Variants in CHKB observed in about 807,000 individuals in gnomAD.
CHKB encodes choline kinase beta, also known as choline/ethanolamine kinase.
CHKB carries 45 observed loss-of-function variants against 57.3 expected under a neutral mutation model. The ratio of observed to expected loss-of-function variants is 0.79; its 90% CI spans 0.62 to 1.01. CHKB has a LOEUF of 1.01. Among genes scored for constraint, CHKB ranks in the 50% least tolerant of loss-of-function variants. The probability of loss-of-function intolerance (pLI) is 0.00; values close to 1 mark genes in which losing one functional copy is unlikely to be tolerated. For missense variants in CHKB, 517 were observed against 502.8 expected (o/e 1.03, Z -0.27); for synonymous variants, 224 against 201.8 (o/e 1.11, Z -0.93).
chr22:50,579,729 A>G lies in CHKB; in HGVS notation c.1029T>C (p.Ser343=). The change falls in exon 9 of 11, where the codon AGT becomes AGC. Residue 343 remains serine (S), a splice_region_variant and synonymous_variant. Coordinates refer to ENST00000406938, the MANE Select transcript of CHKB (RefSeq NM_005198.5). The part of the protein sequence containing the change: ...KLEEDLLVEV[S]RYALASHFFW... ...CCACCCTGCCCCTCCTTCCTCACCG[A>G]CTGACTTCTACCAGCAAATCTTCTT... 2 of 1,612,634 alleles carry G rather than the reference A, an allele frequency of 1.2e-6. No individual in the cohort carries two copies. The highest frequency in any genetic ancestry group is 1.3e-5 in the African/African-American group (1 of 74,770).
chr22:50,582,539 C>G lies in CHKB; in HGVS notation c.224+19G>C. On this transcript the variant is annotated intron_variant, in intron 1 of 10. Coordinates refer to ENST00000406938, the MANE Select transcript of CHKB (RefSeq NM_005198.5). ...GACCCCGATCCGCGCACCGGAGAGG[C>G]TGACCCCTGACCTCCCACCTCACGG... 1.3e-6 allele frequency: 2 copies of G among 1,598,596 alleles called. No individual in the cohort carries two copies. The highest frequency in any genetic ancestry group is 1.1e-5 in the South Asian group (1 of 89,374).
In CHKB at chr22:50,582,589, G is replaced by A; in HGVS notation, c.193C>T (p.Gln65Ter). ...EYLGGAWRRV[Q>*]PEELRVYPVS... ...GGGTAAACCCTCAGCTCCTCGGGCT[G>A]CACTCGGCGCCAGGCCCCGCCCAAG... The change falls in exon 1 of 11, where the codon CAG (glutamine) becomes TAG (stop). Residue 65 changes from glutamine (Q) to a stop codon, truncating the protein, a stop_gained. Transcript: ENST00000406938. LOFTEE classifies it high-confidence loss of function. 1.9e-6 allele frequency: 3 copies of A among 1,610,256 alleles called. No homozygotes were observed. The highest frequency in any genetic ancestry group is 2.5e-6 in the Non-Finnish European group (3 of 1,178,932).
chr22:50,581,816 G>A lies in CHKB; in HGVS notation c.380C>T (p.Ala127Val). 1 of 1,613,828 alleles carries A rather than the reference G, an allele frequency of 6.2e-7. No homozygotes were observed. Among genetic ancestry groups the A allele is most frequent in the Non-Finnish European group, 8.5e-7 (1 of 1,180,012 alleles). ...CAGCTGGGGCCCCAGCGACCGCTCC[G>A]CAAGTATGGCGAACATCACGCTTTC... ...VLESVMFAIL[A>V]ERSLGPQLYG... Residue 127 changes from alanine to valine, a missense_variant, in exon 3 of 11, where the codon GCG becomes GTG. Transcript: ENST00000406938.
intron 7 of CHKB, 31 bp downstream of exon 7, chr22:50,580,158 AG>A: frequency 6.2e-7 from 1 of 1,613,510 alleles, no homozygotes; most frequent in Non-Finnish European, 8.5e-7. Context: ...CTATGGGAAC[AG>A]ATCTATGGGA....
Position 50,581,483 on chromosome 22 carries a change from T to C in CHKB, c.518A>G (p.Gln173Arg), listed in dbSNP as rs997259706. The C allele has an allele frequency of 1.2e-6, 2 of 1,613,922 alleles. No homozygotes were observed. The highest frequency in any genetic ancestry group is 1.7e-5 in the Admixed American group (1 of 60,024). Residue 173 changes from glutamine (Q) to arginine (R), a missense_variant, in exon 4 of 11, where the codon CAA becomes CGA. Coordinates refer to ENST00000406938, the MANE Select transcript of CHKB (RefSeq NM_005198.5). ...LSAAIATKMA[Q>R]FHGMEMPFTK... The stretch of plus-strand genomic sequence containing the variant: ...GAAAGGCATCTCCATGCCATGAAAT[T>C]GCGCCATCTTCGTGGCAATGGCTGC...
At position 50,580,402 on chromosome 22, in the gene CHKB, G is replaced by C. The variant is rs199783402; in HGVS notation, c.692C>G (p.Ser231Cys). Residue 231 changes from serine (S) to cysteine (C), a missense_variant, in exon 6 of 11, where the codon TCT becomes TGT. Physicochemically the swap from Ser to Cys is moderately radical, Grantham distance 112 (BLOSUM62 -1). Transcript: ENST00000406938. ...GCAGAAGACGACTGGCGATGGGGTA[G>C]ACTCTAGTAACTTCCTACAGGGGTA... ...EMGNLRKLLE[S>C]TPSPVVFCHN... The C allele has an allele frequency of 3.0e-5, 48 of 1,614,042 alleles. No individual in the cohort carries two copies. The East Asian group carries it at 9.4e-4, about 31-fold the overall frequency.
chr22:50,582,205 A>T (rs1369991772), intron 2 of CHKB, 44 bp downstream of exon 2: 16 of 1,496,178 alleles, frequency 1.1e-5, no homozygotes, highest in Non-Finnish European at 1.5e-5. Flanking sequence ...CGTAAGCGAC[A>T]GGCCCTAAAG....
rs142607228 is a variant in CHKB, at chr22:50,581,842, T to C, written c.354A>G (p.Leu118=). 5 of 1,613,688 alleles carry C rather than the reference T, an allele frequency of 3.1e-6. No homozygotes were observed. The highest frequency in any genetic ancestry group is 3.4e-6 in the Non-Finnish European group (4 of 1,180,016). ...CAAGTATGGCGAACATCACGCTTTC[T>C]AGCACCAGGGAGTCCACGCCCTGAA... ...AILQGVDSLV[L]ESVMFAILAE... Residue 118 remains leucine, a synonymous_variant, in exon 3 of 11, where the codon CTA becomes CTG. Transcript: ENST00000406938.
rs777932969 is a variant in CHKB, at chr22:50,579,837, T to A, written c.928-7A>T. The A allele has an allele frequency of 6.8e-6, 11 of 1,612,620 alleles. No homozygotes were observed. The highest frequency in any genetic ancestry group is 9.3e-6 in the Non-Finnish European group (11 of 1,179,086). On this transcript the variant is annotated splice_region_variant and splice_polypyrimidine_tract_variant and intron_variant, in intron 8 of 10. Coordinates refer to ENST00000406938, the MANE Select transcript of CHKB (RefSeq NM_005198.5). ...AATGACGAATAAAATGCAACTACGA[T>A]CAATGGCCAAGAGTCAGGAATTGGG...
rs1177835390 is a variant in CHKB, at chr22:50,582,268, AGCCGCAGAAGCACCTCCC to A, written c.296_313del (p.Arg99_Arg104del). On this transcript the variant is annotated inframe_deletion, in exon 2 of 11. Transcript: ENST00000406938. ...CCTCACCTGCAAGATGGCTCCGTAC[AGCCGCAGAAGCACCTCCC>A]GGGGCTCCTCGCCAACGCTGGGCAG... 1.2e-5 allele frequency: 19 copies of A among 1,592,890 alleles called. No homozygotes were observed. Among genetic ancestry groups the A allele is most frequent in the Non-Finnish European group, 1.5e-5 (18 of 1,171,956 alleles).
At chr22:50,582,140 G>C in intron 2 of CHKB, 109 bp downstream of exon 2, 1 of 1,040,248 alleles carries the variant, frequency 9.6e-7, no homozygotes, top group Non-Finnish European at 1.5e-6. Context: ...GTGTTACTCA[G>C]ACCGTGAACC....
Position 50,582,290 on chromosome 22 carries a change from G to A in CHKB, c.292C>T (p.Pro98Ser), listed in dbSNP as rs1307581608. 6.3e-7 allele frequency: 1 copy of A among 1,594,238 alleles called. No homozygotes were observed. The highest frequency in any genetic ancestry group is 2.3e-5 in the East Asian group (1 of 44,104). Residue 98 changes from proline (P) to serine (S), a missense_variant, in exon 2 of 11, where the codon CCC (proline) becomes TCC (serine). Transcript: ENST00000406938. ...PDHLPSVGEE[P>S]REVLLRLYGA... ...TACAGCCGCAGAAGCACCTCCCGGG[G>A]CTCCTCGCCAACGCTGGGCAGGTGG...
chr22:50,581,696 G>A, intron 3 of CHKB, 53 bp downstream of exon 3: 1 of 1,582,608 alleles, frequency 6.3e-7, no homozygotes, highest in Non-Finnish European at 8.7e-7. Context: ...CACTGGGGTA[G>A]GGTTAGGGGG....
Position 50,581,518 on chromosome 22 carries a change from T to C in CHKB, c.483A>G (p.Pro161=). The C allele has an allele frequency of 6.2e-7, 1 of 1,613,946 alleles. No homozygotes were observed. Among genetic ancestry groups the C allele is most frequent in the Non-Finnish European group, 8.5e-7 (1 of 1,180,026 alleles). The part of the protein sequence containing the change: ...RPLKTQELRE[P]VLSAAIATKM... ...TCGTGGCAATGGCTGCTGACAACAC[T>C]GGCTCTCGAAGCTCTTGAGTTTTCA... Residue 161 remains proline, a synonymous_variant, in exon 4 of 11, where the codon CCA becomes CCG. Coordinates refer to ENST00000406938, the MANE Select transcript of CHKB (RefSeq NM_005198.5).
intron 2 of CHKB, 72 bp from the exon 3 acceptor site, chr22:50,581,934 C>T: frequency 1.5e-6 from 2 of 1,314,354 alleles, no homozygotes; most frequent in African/African-American, 2.9e-5. Flanking sequence ...TCGCCTTCCT[C>T]CCACCAGAGC....
chr22:50,582,553 C>T lies in CHKB; in HGVS notation c.224+5G>A. The T allele has an allele frequency of 6.2e-7, 1 of 1,605,962 alleles. No homozygotes were observed. The highest frequency in any genetic ancestry group is 8.5e-7 in the Non-Finnish European group (1 of 1,176,968). On this transcript the variant is annotated splice_donor_5th_base_variant and intron_variant, in intron 1 of 10. Coordinates refer to ENST00000406938, the MANE Select transcript of CHKB (RefSeq NM_005198.5). ...CACCGGAGAGGCTGACCCCTGACCTCCCACCTCACGGGGTAAACCCTCAGC... is the reference window on the plus strand; with the variant it reads ...CACCGGAGAGGCTGACCCCTGACCTTCCACCTCACGGGGTAAACCCTCAGC...
Position 50,582,735 on chromosome 22 carries a change from C to G in CHKB, c.47G>C (p.Gly16Ala). The change falls in exon 1 of 11, where the codon GGC becomes GCC. Residue 16 changes from glycine (G) to alanine (A), a missense_variant. Coordinates refer to ENST00000406938, the MANE Select transcript of CHKB (RefSeq NM_005198.5). ...TAVAGSGAVG[G>A]CLAKDGLQQS... ...CTGCAAGCCGTCTTTGGCCAGGCAGCCGCCAACAGCCCCGCTTCCGGCCAC... is the reference window on the plus strand; with the variant it reads ...CTGCAAGCCGTCTTTGGCCAGGCAGGCGCCAACAGCCCCGCTTCCGGCCAC... 2 of 1,601,120 alleles carry G rather than the reference C, an allele frequency of 1.2e-6. No homozygotes were observed.
In CHKB at chr22:50,580,231, G is replaced by A. The variant is rs1373055201; in HGVS notation, c.777C>T (p.Ser259=). The part of the protein sequence containing the change: ...LLLSEPENAD[S]LMLVDFEYSS... Reference sequence around the variant, plus strand: ...TGTACTCGAAGTCCACCAGCATGAGGCTGTCAGCATTTTCTGGCTCTGAGA... The same window carrying A: ...TGTACTCGAAGTCCACCAGCATGAGACTGTCAGCATTTTCTGGCTCTGAGA... Residue 259 remains serine (S), a synonymous_variant, in exon 7 of 11, where the codon AGC becomes AGT. Transcript: ENST00000406938. 6.2e-7 allele frequency: 1 copy of A among 1,613,990 alleles called. No individual in the cohort carries two copies. Among genetic ancestry groups the A allele is most frequent in the Admixed American group, 1.7e-5 (1 of 60,034 alleles).
intron 8 of CHKB, 29 bp from the exon 9 acceptor site, chr22:50,579,859 T>G (rs1017738897): frequency 6.2e-7 from 1 of 1,605,736 alleles, no homozygotes; most frequent in Non-Finnish European, 8.5e-7. Context: ...AGTCAGGAAT[T>G]GGGGAGACTG....
Sources: gnomAD v4.1 joint callset for allele counts on GRCh38, gnomAD v4.1.1 for gene constraint, MANE v1.5 for transcripts, NCBI Gene and HGNC (gene_info 2026-07-23, HGNC 2026-07-21) for gene names.